Variants in PID1 observed in about 807,000 individuals in gnomAD.
PID1 encodes phosphotyrosine interaction domain containing 1.
A neutral mutation model predicts 19.1 loss-of-function variants in PID1; 10 were observed. The ratio of observed to expected loss-of-function variants is 0.52; its 90% confidence interval spans 0.32 to 0.89. The LOEUF is 0.89. Ranked by LOEUF, PID1 falls within the 40% of genes least tolerant of loss-of-function variation. The probability of loss-of-function intolerance (pLI) is 0.03; values close to 1 mark genes in which losing one functional copy is unlikely to be tolerated. For missense variants in PID1, 248 were observed against 285.3 expected (o/e 0.87, Z 0.94); for synonymous variants, 130 against 116.0 (o/e 1.12, Z -0.78).
At chr2:229,183,602 A>T (rs1187606122) in intron 1 of PID1, among the ~76,000 whole-genome samples, 1 of 152,096 alleles carries the variant, frequency 6.6e-6, no homozygotes, top group Non-Finnish European at 1.5e-5. Context: ...CTCCTTCCTA[A>T]TCTCTTGGAG....
chr2:229,113,527 T>TATATAA (rs1342609431), intron 2 of PID1, among the ~76,000 whole-genome samples: 1 of 146,910 alleles, frequency 6.8e-6, no homozygotes, highest in Non-Finnish European at 1.5e-5. Flanking sequence ...TATATATATA[T>TATATAA]AAATACATAA....
chr2:229,101,873 G>A (rs1311607201), intron 2 of PID1, among the ~76,000 whole-genome samples: 1 of 152,062 alleles, frequency 6.6e-6, no homozygotes, highest in Admixed American at 6.5e-5. Context: ...TATATTACAT[G>A]TTACAGGGAA....
chr2:229,130,861 G>C (rs1005275666), intron 2 of PID1, among the ~76,000 whole-genome samples: 1 of 152,164 alleles, frequency 6.6e-6, no homozygotes, highest in Admixed American at 6.5e-5. Flanking sequence ...CAAGGTGTTG[G>C]CAGGCCAGGG....
At chr2:229,139,124 A>AG (rs1689952108) in intron 2 of PID1, among the ~76,000 whole-genome samples, 1 of 110,588 alleles carries the variant, frequency 9.0e-6, no homozygotes, top group African/African-American at 3.7e-5. Context: ...AGAGAAAGAA[A>AG]GAAAGAAAGA....
intron 2 of PID1, among the ~76,000 whole-genome samples, chr2:229,091,656 C>T (rs1158532): frequency 0.14 from 21,022 of 152,162 alleles, 2,361 homozygotes; most frequent in African/African-American, 0.31. Flanking sequence ...TGATGTTGGA[C>T]TTCCCAGCCT....
intron 1 of PID1, among the ~76,000 whole-genome samples, chr2:229,178,730 T>C (rs539379660): frequency 1.4e-3 from 216 of 152,328 alleles, no homozygotes; most frequent in African/African-American, 5.1e-3. Flanking sequence ...TGCCATTAAG[T>C]GTCAAATTCT....
rs370706031 is a variant in PID1 at position 229,127,106 on chromosome 2, T to A, written c.177+28712A>T. Reference sequence around the variant, plus strand: ...CTAGGAATTCACCACTCTGCCCACATTTCATTGCTCAGATCTCAATCATTT... The same window carrying A: ...CTAGGAATTCACCACTCTGCCCACAATTCATTGCTCAGATCTCAATCATTT... On this transcript the variant is annotated intron_variant, in intron 2 of 2. Coordinates refer to ENST00000392055, the MANE Select transcript of PID1 (RefSeq NM_001100818.2). 1.4e-4 allele frequency among the ~76,000 whole-genome samples: 22 copies of A among 152,328 alleles called. No homozygotes were observed. In the South Asian group the frequency reaches 3.5e-3, roughly 24 times the overall value.
chr2:229,217,458 T>C lies in PID1; in HGVS notation c.30+53556A>G, dbSNP rs6720124. ...CTGGCTGTGAAGTAAACAAGATTCA[T>C]TAATCTCACTTGGGATCAGAAAATG... On this transcript the variant is annotated intron_variant, in intron 1 of 2. Coordinates refer to ENST00000392055, the MANE Select transcript of PID1 (RefSeq NM_001100818.2). Among the ~76,000 whole-genome samples, 1,172 of 152,306 alleles carry C rather than the reference T, an allele frequency of 7.7e-3. 15 individuals carry two copies. Among genetic ancestry groups the C allele is most frequent in the African/African-American group, 0.027 (1,132 of 41,554 alleles).
chr2:229,083,044 G>A (rs1265475912), intron 2 of PID1, among the ~76,000 whole-genome samples: 1 of 152,048 alleles, frequency 6.6e-6, no homozygotes, highest in Non-Finnish European at 1.5e-5. Context: ...TCATAAAGCA[G>A]GGGAATTGTA....
chr2:229,266,416 C>G (rs944067721), intron 1 of PID1, among the ~76,000 whole-genome samples: 38 of 143,284 alleles, frequency 2.7e-4, no homozygotes, highest in African/African-American at 1.0e-3. Context: ...CAATAGGAGA[C>G]AGCAGCTTAT....
chr2:229,271,102 G>A lies in PID1; in HGVS notation c.-59C>T. 6.6e-7 allele frequency: 1 copy of A among 1,525,384 alleles called. No homozygotes were observed. The highest frequency in any genetic ancestry group is 8.8e-7 in the Non-Finnish European group (1 of 1,130,666). 94.5% of individuals were successfully genotyped at this position (1,525,384 alleles called of 1,614,324 possible). On this transcript the variant is annotated 5_prime_UTR_variant, in exon 1 of 3. Transcript: ENST00000392055. The stretch of plus-strand genomic sequence containing the variant: ...GGCGAGACTGTCGATCGCGCCGGGG[G>A]GCGAGGGGCTGGGGTCCCGCTTTAC...
chr2:229,103,571 A>ATTTTTTT (rs60510809), intron 2 of PID1, among the ~76,000 whole-genome samples: 3 of 76,236 alleles, frequency 3.9e-5, no homozygotes, highest in African/African-American at 1.0e-4. Flanking sequence ...ATATGCTGGA[A>ATTTTTTT]TTTTTTTTTT....
At chr2:229,209,717 C>T (rs568806525) in intron 1 of PID1, among the ~76,000 whole-genome samples, 32 of 152,290 alleles carry the variant, frequency 2.1e-4, no homozygotes, top group Non-Finnish European at 4.3e-4. Flanking sequence ...CTTCATCATC[C>T]TTGAGATGCC....
intron 2 of PID1, among the ~76,000 whole-genome samples, chr2:229,126,021 A>G (rs1422882086): frequency 2.0e-5 from 3 of 152,206 alleles, no homozygotes; most frequent in African/African-American, 7.2e-5. Flanking sequence ...TACCAGGTCA[A>G]TTCTCTGCAT....
At chr2:229,092,595 C>A (rs947369409) in intron 2 of PID1, among the ~76,000 whole-genome samples, 4 of 152,074 alleles carry the variant, frequency 2.6e-5, no homozygotes, top group Admixed American at 2.0e-4. Flanking sequence ...TGACTAAGAC[C>A]CAACAGCTCT....
intron 2 of PID1, among the ~76,000 whole-genome samples, chr2:229,085,953 T>C (rs1173912735): frequency 6.6e-6 from 1 of 152,040 alleles, no homozygotes; most frequent in Non-Finnish European, 1.5e-5. Flanking sequence ...ATATTCAGAT[T>C]AACAACATTT....
intron 2 of PID1, among the ~76,000 whole-genome samples, chr2:229,119,702 C>T (rs1042330112): frequency 2.6e-5 from 4 of 152,186 alleles, no homozygotes; most frequent in Admixed American, 2.6e-4. Context: ...GTTGACTAAG[C>T]AGCAGGCTGA....
intron 1 of PID1, among the ~76,000 whole-genome samples, chr2:229,265,174 G>C (rs533303421): frequency 6.6e-6 from 1 of 151,928 alleles, no homozygotes; most frequent in African/African-American, 2.4e-5. Flanking sequence ...TTCTTATTCA[G>C]GAAACAACCT....
intron 2 of PID1, among the ~76,000 whole-genome samples, chr2:229,136,474 G>A (rs1472242821): frequency 1.3e-5 from 2 of 152,176 alleles, no homozygotes; most frequent in Non-Finnish European, 2.9e-5. Context: ...TGGTACAACA[G>A]TGTTTTCTGG....
Sources: gnomAD v4.1 joint callset for allele counts (sites outside exome capture counted in the v4.1 genomes callset) on GRCh38, gnomAD v4.1.1 for gene constraint, MANE v1.5 for transcripts, NCBI Gene and HGNC (gene_info 2026-07-23, HGNC 2026-07-21) for gene names.